The following PRKN variants were observed in gnomAD, a reference collection of about 807,000 sequenced individuals.
The protein encoded by PRKN is parkin RBR E3 ubiquitin protein ligase.
PRKN carries 56 observed loss-of-function variants against 59.5 expected under a neutral mutation model. That is an observed-to-expected ratio of 0.94 (90% CI 0.76 to 1.18). The LOEUF is 1.18. Ranked by LOEUF, PRKN falls within the 50% of genes most tolerant of loss-of-function variation. PRKN has a pLI of 0.00. For missense variants in PRKN, 657 were observed against 596.4 expected, an observed-to-expected ratio of 1.10 and a Z score of -1.06; for synonymous variants, 250 against 222.1, an observed-to-expected ratio of 1.13 and a Z score of -1.12.
intron 9 of PRKN, among the ~76,000 whole-genome samples, chr6:161,486,596 G>A (rs375093200): frequency 2.6e-5 from 4 of 152,164 alleles, no homozygotes; most frequent in African/African-American, 9.6e-5. Flanking sequence ...TTAAGCCTGC[G>A]TTCTTTTTGG....
At chr6:161,848,272 C>A (rs1417891581) in intron 6 of PRKN, among the ~76,000 whole-genome samples, 2 of 151,962 alleles carry the variant, frequency 1.3e-5, no homozygotes, top group South Asian at 2.1e-4. Context: ...AGGATTAGTT[C>A]TCATTGAAAT....
At chr6:162,726,572 G>T (rs1412185497) in intron 1 of PRKN, among the ~76,000 whole-genome samples, 2 of 152,132 alleles carry the variant, frequency 1.3e-5, no homozygotes, top group African/African-American at 4.8e-5. Flanking sequence ...CCCACTGATG[G>T]GGAGAATGTT....
intron 2 of PRKN, among the ~76,000 whole-genome samples, chr6:162,438,748 C>T (rs1167914371): frequency 2.6e-5 from 4 of 152,278 alleles, no homozygotes; most frequent in East Asian, 3.9e-4. Flanking sequence ...AGTTGAATTA[C>T]GTTGTGTGTT....
At chr6:161,969,553 GCGT>G in intron 6 of PRKN, among the ~76,000 whole-genome samples, 1 of 152,048 alleles carries the variant, frequency 6.6e-6, no homozygotes, top group Non-Finnish European at 1.5e-5. Flanking sequence ...GTTAGTGAGG[GCGT>G]TGGCATAACA....
At chr6:161,966,329 T>G (rs1352121645) in intron 6 of PRKN, among the ~76,000 whole-genome samples, 3 of 150,952 alleles carry the variant, frequency 2.0e-5, no homozygotes, top group Non-Finnish European at 2.9e-5. Context: ...TTGTATGTTT[T>G]CAATTTTTAC....
chr6:162,190,718 C>A (rs1251627608), intron 4 of PRKN, among the ~76,000 whole-genome samples: 1 of 152,160 alleles, frequency 6.6e-6, no homozygotes, highest in Non-Finnish European at 1.5e-5. Context: ...GACTCCCCTG[C>A]CCCGCACATT....
chr6:162,170,616 G>A (rs1196078716), intron 4 of PRKN, among the ~76,000 whole-genome samples: 1 of 152,198 alleles, frequency 6.6e-6, no homozygotes, highest in East Asian at 1.9e-4. Flanking sequence ...GAAGGAATTT[G>A]TGAAGACAGA....
chr6:161,362,284 C>A lies in PRKN; in HGVS notation c.1168-2079G>T, dbSNP rs2114865590. ...GATAGGGTGGGAAGGCAAAGGAAAC[C>A]CTTAAAGACAGCAAATCCTCCTGGT... On this transcript the variant is annotated intron_variant, in intron 10 of 11. Transcript: ENST00000366898. The surrounding 1 kb of genome is among the most constrained non-coding windows in gnomAD (Gnocchi z 5.2). 6.6e-6 allele frequency among the ~76,000 whole-genome samples: 1 copy of A among 152,180 alleles called. No homozygotes were observed. The highest frequency in any genetic ancestry group is 6.5e-5 in the Admixed American group (1 of 15,274).
intron 6 of PRKN, among the ~76,000 whole-genome samples, chr6:161,969,391 A>G (rs765017242): frequency 6.6e-6 from 1 of 151,436 alleles, no homozygotes; most frequent in Non-Finnish European, 1.5e-5. Flanking sequence ...GTGCACTGGG[A>G]GAAAGGGATG....
intron 7 of PRKN, among the ~76,000 whole-genome samples, chr6:161,754,226 C>T (rs1788816371): frequency 6.6e-6 from 1 of 151,952 alleles, no homozygotes. Context: ...GACAAATGAC[C>T]TGAAGCTCAC....
chr6:161,585,514 G>T (rs1781491395), intron 7 of PRKN, among the ~76,000 whole-genome samples: 1 of 152,198 alleles, frequency 6.6e-6, no homozygotes, highest in Non-Finnish European at 1.5e-5. Flanking sequence ...GCCAAATAGA[G>T]TCTGCTATAT....
In PRKN at chr6:161,576,651, A is replaced by G. The variant is rs1007845641; in HGVS notation, c.872-7235T>C. 2.6e-5 allele frequency among the ~76,000 whole-genome samples: 4 copies of G among 152,244 alleles called. No individual in the cohort carries two copies. Among genetic ancestry groups the G allele is most frequent in the African/African-American group, 9.6e-5 (4 of 41,470 alleles). ...AGCTTGCATTCTAAAGGGGCGAGAG[A>G]CAATAAAAATAAACTAATAAGTAGG... On this transcript the variant is annotated intron_variant, in intron 7 of 11. Transcript: ENST00000366898. This position sits in a 1 kb window ranked among gnomAD's most constrained non-coding sequence, Gnocchi z 4.6.
At chr6:161,867,542 T>C (rs1001691383) in intron 6 of PRKN, among the ~76,000 whole-genome samples, 5 of 152,224 alleles carry the variant, frequency 3.3e-5, no homozygotes, top group African/African-American at 1.2e-4. Context: ...AGCAGATATA[T>C]AAAAACATGA....
chr6:162,276,187 T>TAG (rs1410223879), intron 2 of PRKN, among the ~76,000 whole-genome samples: 2 of 151,940 alleles, frequency 1.3e-5, no homozygotes, highest in African/African-American at 4.8e-5. Context: ...AACCGAGGAG[T>TAG]AGAGGGTTTT....
At chr6:161,727,540 G>A (rs1488697781) in intron 7 of PRKN, among the ~76,000 whole-genome samples, 1 of 152,212 alleles carries the variant, frequency 6.6e-6, no homozygotes, top group Non-Finnish European at 1.5e-5. Context: ...CCAATTGATT[G>A]TAGAGAAAGT....
At chr6:162,512,279 T>C (rs1405572166) in intron 1 of PRKN, among the ~76,000 whole-genome samples, 6 of 152,110 alleles carry the variant, frequency 3.9e-5, no homozygotes, top group Non-Finnish European at 7.4e-5. Context: ...GGGGTGGAAA[T>C]CAAGCATTAA....
At chr6:162,063,633 C>T (rs1582977198) in intron 4 of PRKN, among the ~76,000 whole-genome samples, 1 of 56,890 alleles carries the variant, frequency 1.8e-5, no homozygotes. Context: ...CAAACTCTGC[C>T]TCCCAGGTTC....
At chr6:162,137,591 G>A (rs554290433) in intron 4 of PRKN, among the ~76,000 whole-genome samples, 7 of 152,190 alleles carry the variant, frequency 4.6e-5, no homozygotes, top group Admixed American at 3.3e-4. Context: ...TCACAGCTCT[G>A]GGGACTGGGA....
intron 6 of PRKN, among the ~76,000 whole-genome samples, chr6:161,874,990 TTATA>T (rs1278985687): frequency 3.7e-5 from 3 of 80,770 alleles, no homozygotes; most frequent in Non-Finnish European, 6.2e-5. Context: ...ATTATATACT[TTATA>T]TATAATATAT....
Sources: gnomAD v4.1 joint callset for allele counts (sites outside exome capture counted in the v4.1 genomes callset) on GRCh38, gnomAD v4.1.1 for gene constraint, Gnocchi (gnomAD v3.1) non-coding constraint, MANE v1.5 for transcripts, NCBI Gene and HGNC (gene_info 2026-07-23, HGNC 2026-07-21) for gene names.